Variants in TAFA1 observed in about 807,000 individuals in gnomAD.
TAFA1 encodes TAFA chemokine like family member 1.
A neutral mutation model predicts 18.5 loss-of-function variants in TAFA1; 4 were observed. The observed-to-expected ratio is 0.22, with a 90% CI of 0.11 to 0.49. TAFA1 has a LOEUF of 0.49. TAFA1 is among the 20% of genes least tolerant of loss of function. The pLI is 0.98. For synonymous variants in TAFA1, 56 were observed against 55.2 expected, an observed-to-expected ratio of 1.01 and a Z score of -0.06; for missense variants, 147 against 169.0, an observed-to-expected ratio of 0.87 and a Z score of 0.72.
chr3:68,480,591 G>A (rs138522974), intron 3 of TAFA1, among the ~76,000 whole-genome samples: 3,873 of 152,202 alleles, frequency 0.025, 77 homozygotes, highest in South Asian at 0.06. Context: ...AGTATTTTAT[G>A]AACCTGTCAA....
chr3:68,233,298 C>T (rs1414513351), intron 2 of TAFA1, among the ~76,000 whole-genome samples: 1 of 152,110 alleles, frequency 6.6e-6, no homozygotes, highest in African/African-American at 2.4e-5. Flanking sequence ...TCCCATTCTA[C>T]AGCTTCTCTC....
chr3:68,045,388 A>G (rs1354562036), intron 2 of TAFA1, among the ~76,000 whole-genome samples: 1 of 152,312 alleles, frequency 6.6e-6, no homozygotes, highest in East Asian at 1.9e-4. Context: ...GTATCTGGCA[A>G]AAGATAAGAA....
At chr3:68,361,411 G>A (rs184443995) in intron 2 of TAFA1, among the ~76,000 whole-genome samples, 48 of 152,020 alleles carry the variant, frequency 3.2e-4, no homozygotes, top group Non-Finnish European at 5.4e-4. Flanking sequence ...ACAAAAAAGC[G>A]CCAATGTTCG....
chr3:68,378,420 T>C (rs762101860), intron 2 of TAFA1, among the ~76,000 whole-genome samples: 1 of 152,178 alleles, frequency 6.6e-6, no homozygotes, highest in African/African-American at 2.4e-5. Context: ...AACAGGAGCA[T>C]TTACCCAATG....
At chr3:68,385,815 A>G (rs926450857) in intron 2 of TAFA1, among the ~76,000 whole-genome samples, 3 of 152,050 alleles carry the variant, frequency 2.0e-5, no homozygotes, top group Admixed American at 6.6e-5. Flanking sequence ...TTGAAATACA[A>G]TTGTACGTAT....
rs560091114 is a variant in TAFA1, at chr3:68,423,225, T to A, written c.259+5805T>A. 2.6e-5 allele frequency among the ~76,000 whole-genome samples: 4 copies of A among 152,262 alleles called. No homozygotes were observed. In the East Asian group the frequency reaches 7.7e-4, roughly 29 times the overall value. On this transcript the variant is annotated intron_variant, in intron 3 of 4. Transcript: ENST00000478136. ...TGTTTACCATTTTTTAAGGCTATTA[T>A]GTGCTACTGTCCCAACTACTCTAAG...
Position 68,220,620 on chromosome 3 carries a change from T to A in TAFA1, c.119-196660T>A, listed in dbSNP as rs2066717949. ...GAGTTTACTATCTTATACAAAATGA[T>A]CAGTATCTCAGATTTCCATCACCAC... On this transcript the variant is annotated intron_variant, in intron 2 of 4. Coordinates refer to ENST00000478136, the MANE Select transcript of TAFA1 (RefSeq NM_213609.4). Among the ~76,000 whole-genome samples, 3 of 152,066 alleles carry A rather than the reference T, an allele frequency of 2.0e-5. No homozygotes were observed. The South Asian group carries it at 6.2e-4, about 32-fold the overall frequency.
intron 2 of TAFA1, among the ~76,000 whole-genome samples, chr3:68,146,333 C>A (rs1430689248): frequency 6.6e-6 from 1 of 152,140 alleles, no homozygotes; most frequent in East Asian, 1.9e-4. Flanking sequence ...GGAAGTTTGT[C>A]TTTATCTCAT....
At chr3:68,173,166 C>T (rs1044252918) in intron 2 of TAFA1, among the ~76,000 whole-genome samples, 1 of 151,902 alleles carries the variant, frequency 6.6e-6, no homozygotes, top group Admixed American at 6.6e-5. Context: ...CTAATGATTC[C>T]AATTCCTACT....
intron 2 of TAFA1, among the ~76,000 whole-genome samples, chr3:68,067,947 CA>C (rs1245671859): frequency 6.6e-6 from 1 of 151,722 alleles, no homozygotes. Flanking sequence ...TACAAAAAAA[CA>C]AAAAACAAAA....
intron 2 of TAFA1, among the ~76,000 whole-genome samples, chr3:68,376,825 C>T (rs1011220385): frequency 1.3e-5 from 2 of 152,242 alleles, no homozygotes; most frequent in Admixed American, 6.5e-5. Context: ...AATTGTAATT[C>T]CCACATGTTG....
At chr3:68,131,329 G>A (rs896693450) in intron 2 of TAFA1, among the ~76,000 whole-genome samples, 8 of 151,572 alleles carry the variant, frequency 5.3e-5, no homozygotes, top group Non-Finnish European at 7.4e-5. Flanking sequence ...GCACACGCAC[G>A]CACACACACA....
intron 4 of TAFA1, among the ~76,000 whole-genome samples, chr3:68,542,117 A>G (rs1370056894): frequency 6.6e-6 from 1 of 152,172 alleles, no homozygotes; most frequent in African/African-American, 2.4e-5. Context: ...CTTTTCTTTC[A>G]GGAGATTTGG....
At chr3:68,421,148 G>T (rs927400319) in intron 3 of TAFA1, among the ~76,000 whole-genome samples, 4 of 152,142 alleles carry the variant, frequency 2.6e-5, no homozygotes, top group African/African-American at 9.7e-5. Context: ...CTAGCCCTAA[G>T]ATTTGTAAGA....
chr3:68,123,004 C>T lies in TAFA1; in HGVS notation c.118+116260C>T, dbSNP rs201627139. 1.1e-4 allele frequency among the ~76,000 whole-genome samples: 17 copies of T among 151,156 alleles called. No individual in the cohort carries two copies. The East Asian group carries it at 3.1e-3, about 28-fold the overall frequency. ...AAGAGCAGTAAAGAAAAAAAAAACC[C>T]TTTTTTTTCCAAAAATCTGTCTGTA... On this transcript the variant is annotated intron_variant, in intron 2 of 4. Coordinates refer to ENST00000478136, the MANE Select transcript of TAFA1 (RefSeq NM_213609.4).
chr3:68,326,785 A>G (rs2068783589), intron 2 of TAFA1, among the ~76,000 whole-genome samples: 1 of 152,252 alleles, frequency 6.6e-6, no homozygotes, highest in South Asian at 2.1e-4. Context: ...TCTGAGAAAT[A>G]AGAAATATTA....
At chr3:68,342,178 A>G (rs538409468) in intron 2 of TAFA1, among the ~76,000 whole-genome samples, 1 of 152,300 alleles carries the variant, frequency 6.6e-6, no homozygotes, top group Admixed American at 6.5e-5. Flanking sequence ...CTCACAAAAC[A>G]AAGATACCCC....
intron 2 of TAFA1, among the ~76,000 whole-genome samples, chr3:68,159,556 T>G (rs2065901850): frequency 1.3e-5 from 2 of 152,024 alleles, no homozygotes; most frequent in Non-Finnish European, 1.5e-5. Context: ...TTCCCCCTGC[T>G]CCCCCCTTCC....
intron 2 of TAFA1, among the ~76,000 whole-genome samples, chr3:68,075,387 A>G (rs1290121808): frequency 6.6e-6 from 1 of 152,182 alleles, no homozygotes; most frequent in African/African-American, 2.4e-5. Context: ...GTAGTTTGTG[A>G]TAAGAGTATT....
Sources: allele counts gnomAD v4.1 joint callset (sites outside exome capture counted in the v4.1 genomes callset), GRCh38; gene constraint gnomAD v4.1.1; transcripts MANE v1.5; gene names NCBI Gene and HGNC (gene_info 2026-07-23, HGNC 2026-07-21).